Variants in MDN1 observed in about 807,000 individuals in gnomAD.
MDN1 encodes midasin.
In MDN1, 266 loss-of-function variants were observed where a neutral mutation model predicts 669.2. The ratio of observed to expected loss-of-function variants is 0.40; its 90% confidence interval spans 0.36 to 0.44. The LOEUF is 0.44. Among genes scored for constraint, MDN1 ranks in the 20% least tolerant of loss-of-function variants. The pLI, the probability that MDN1 is intolerant of heterozygous loss-of-function variation, is 1.00. For missense variants in MDN1, 5,940 were observed against 6,754.0 expected (o/e 0.88, Z 4.22); for synonymous variants, 2,385 against 2,457.1 (o/e 0.97, Z 0.87).
At chr6:89,660,393 C>T (rs558097797) in intron 88 of MDN1, among the ~76,000 whole-genome samples, 1 of 152,064 alleles carries the variant, frequency 6.6e-6, no homozygotes, top group South Asian at 2.1e-4. Context: ...CTATGTTGTT[C>T]AGGCTGGTCT....
At position 89,740,329 on chromosome 6, in the gene MDN1, C is replaced by G. The variant is rs746886253; in HGVS notation, c.4498G>C (p.Glu1500Gln). 1.3e-6 allele frequency: 2 copies of G among 1,596,396 alleles called. No individual in the cohort carries two copies. The change falls in exon 32 of 102, where the codon GAG becomes CAG. Residue 1500 changes from glutamate (E) to glutamine (Q), a missense_variant. Physicochemically the swap from Glu to Gln is conservative, Grantham distance 29. Around this residue, in one of 5 missense-constraint regions of MDN1, gnomAD observed 2,292 missense variants for 2,638.3 expected, o/e 0.87. Transcript: ENST00000369393. Reference sequence around the variant, plus strand: ...AGCTCTATTTCACTATCCTTGTCCTCTGGACTGCCTTTTTCAGCTAATACC... The same window carrying G: ...AGCTCTATTTCACTATCCTTGTCCTGTGGACTGCCTTTTTCAGCTAATACC... ...SLVLAEKGSP[E>Q]DKDSEIELLT...
chr6:89,700,868 A>C lies in MDN1; in HGVS notation c.8428-12T>G, dbSNP rs200976451. ...ACCACCAGCTTGTCCTGAAACAACA[A>C]CACCCACAAGAGCATACTATAGAGC... On this transcript the variant is annotated splice_polypyrimidine_tract_variant and intron_variant, in intron 55 of 101. Transcript: ENST00000369393. 6 of 1,612,864 alleles carry C rather than the reference A, an allele frequency of 3.7e-6. No homozygotes were observed. Among genetic ancestry groups the C allele is most frequent in the Non-Finnish European group, 5.1e-6 (6 of 1,179,352 alleles).
chr6:89,699,827 C>T, intron 57 of MDN1, 100 bp from the exon 58 acceptor site: 3 of 1,310,674 alleles, frequency 2.3e-6, no homozygotes, highest in Non-Finnish European at 3.2e-6. Flanking sequence ...ACTTACAGTA[C>T]ATTTATCTAA....
At chr6:89,694,852 C>G (rs1175741536) in intron 61 of MDN1, among the ~76,000 whole-genome samples, 1 of 152,248 alleles carries the variant, frequency 6.6e-6, no homozygotes, top group African/African-American at 2.4e-5. Flanking sequence ...CACACCCAGC[C>G]TCTACTTGAT....
rs537069630 is a variant in MDN1, at chr6:89,684,701, T to C, written c.11829+175A>G. On this transcript the variant is annotated intron_variant, in intron 71 of 101. Coordinates refer to ENST00000369393, the MANE Select transcript of MDN1 (RefSeq NM_014611.3). ...ACCAATCGCTCACACACTCTGCAGG[T>C]GACAAAAGAAGCCAATGCCACCGAT... Among the ~76,000 whole-genome samples, 8 of 152,288 alleles carry C rather than the reference T, an allele frequency of 5.3e-5. No homozygotes were observed. The East Asian group carries it at 1.2e-3, about 22-fold the overall frequency.
chr6:89,708,573 A>T lies in MDN1; in HGVS notation c.7821T>A (p.Ile2607=). The change falls in exon 51 of 102, where the codon ATT becomes ATA. Residue 2607 remains isoleucine (I), a synonymous_variant. Coordinates refer to ENST00000369393, the MANE Select transcript of MDN1 (RefSeq NM_014611.3). ...PRWNMQALDM[I]RNLMDFDPQT... ...GTGGGTCAAAGTCCATCAAATTTCT[A>T]ATCATGTCCAGAGCCTGCATATTCC... The T allele has an allele frequency of 6.2e-7, 1 of 1,614,010 alleles. No individual in the cohort carries two copies. Among genetic ancestry groups the T allele is most frequent in the Non-Finnish European group, 8.5e-7 (1 of 1,179,880 alleles).
chr6:89,696,487 T>A lies in MDN1; in HGVS notation c.9256A>T (p.Ser3086Cys). Reference protein sequence around the residue: ...SSWRASPWDVSGLPILSSSHV... With the variant: ...SSWRASPWDVCGLPILSSSHV... ...GAGGAGGAAAGAATGGGGAGGCCAC[T>A]CACATCCCAGGGACTTGCTCTCCAG... The change falls in exon 60 of 102, where the codon AGT becomes TGT. Residue 3086 changes from serine to cysteine, a missense_variant. Coordinates refer to ENST00000369393, the MANE Select transcript of MDN1 (RefSeq NM_014611.3). 1 of 1,614,166 alleles carries A rather than the reference T, an allele frequency of 6.2e-7. No individual in the cohort carries two copies. Among genetic ancestry groups the A allele is most frequent in the Non-Finnish European group, 8.5e-7 (1 of 1,180,008 alleles).
intron 45 of MDN1, among the ~76,000 whole-genome samples, chr6:89,715,109 C>T (rs1205319211): frequency 6.6e-6 from 1 of 152,128 alleles, no homozygotes. Flanking sequence ...ATATTGAATG[C>T]CCATCAACAT....
chr6:89,654,178 G>A lies in MDN1; in HGVS notation c.15647C>T (p.Thr5216Ile). The A allele has an allele frequency of 2.5e-6, 4 of 1,614,190 alleles. No homozygotes were observed. The highest frequency in any genetic ancestry group is 1.3e-5 in the African/African-American group (1 of 75,060). Reference protein sequence around the residue: ...QLKPEEIKSGTTAPLGFDEME... With the variant: ...QLKPEEIKSGITAPLGFDEME... ...GCAGGACTCACCCAAGGGTGCTGTG[G>A]TGCCCGACTTGATTTCCTCTGGCTT... The change falls in exon 93 of 102, where the codon ACC (threonine) becomes ATC (isoleucine). Residue 5216 changes from threonine to isoleucine, a missense_variant. Coordinates refer to ENST00000369393, the MANE Select transcript of MDN1 (RefSeq NM_014611.3).
intron 68 of MDN1, 100 bp downstream of exon 68, chr6:89,687,244 C>G: frequency 3.3e-6 from 4 of 1,224,602 alleles, no homozygotes. Flanking sequence ...AAAGCACATT[C>G]TGTAGCTGTA....
Position 89,680,742 on chromosome 6 carries a change from G to C in MDN1, c.12112C>G (p.Pro4038Ala). Residue 4038 changes from proline to alanine, a missense_variant, in exon 74 of 102, where the codon CCA becomes GCA. Coordinates refer to ENST00000369393, the MANE Select transcript of MDN1 (RefSeq NM_014611.3). ...AQPAAGQATI[P>A]EWCQGAAPSG... The stretch of plus-strand genomic sequence containing the variant: ...GGAGCAGCGCCCTGACACCACTCTG[G>C]AATTGTGGCCTGTGAGACAAAAGAC... 1 of 1,613,928 alleles carries C rather than the reference G, an allele frequency of 6.2e-7. No individual in the cohort carries two copies. Among genetic ancestry groups the C allele is most frequent in the Non-Finnish European group, 8.5e-7 (1 of 1,179,938 alleles).
intron 35 of MDN1, among the ~76,000 whole-genome samples, chr6:89,730,294 T>C (rs553090877): frequency 1.3e-5 from 2 of 152,158 alleles, no homozygotes; most frequent in Non-Finnish European, 2.9e-5. Flanking sequence ...AGGGACCGGA[T>C]CAGGAATGAC....
chr6:89,670,170 A>ATATATATATATATAT (rs1444537561), intron 83 of MDN1, among the ~76,000 whole-genome samples: 3 of 23,410 alleles, frequency 1.3e-4, no homozygotes, highest in African/African-American at 7.7e-4. Context: ...ATATATATAT[A>ATATATATATATATAT]TTTTTTTTTT....
At chr6:89,753,433 A>G (rs1314733318) in intron 22 of MDN1, 79 bp downstream of exon 22, 21 of 1,142,380 alleles carry the variant, frequency 1.8e-5, no homozygotes, top group East Asian at 1.7e-4. Flanking sequence ...GTTATGTGAA[A>G]AAAAAAAAAC....
chr6:89,715,781 G>C lies in MDN1; in HGVS notation c.6744-12C>G, dbSNP rs1814326441. ...CCAACACTGATGGGCTGCAGAGACA[G>C]AATTCAGATGGTGGATAGGCTGACA... On this transcript the variant is annotated splice_polypyrimidine_tract_variant and intron_variant, in intron 44 of 101. Coordinates refer to ENST00000369393, the MANE Select transcript of MDN1 (RefSeq NM_014611.3). 2.0e-6 allele frequency: 3 copies of C among 1,538,012 alleles called. No individual in the cohort carries two copies. The South Asian group carries it at 3.4e-5, about 17-fold the overall frequency.
chr6:89,733,912 T>C (rs1815764837), intron 33 of MDN1, among the ~76,000 whole-genome samples: 1 of 152,140 alleles, frequency 6.6e-6, no homozygotes, highest in African/African-American at 2.4e-5. Flanking sequence ...GGTAACAGAA[T>C]ATTAAAACCT....
In MDN1 at chr6:89,750,467, G is replaced by C. The variant is rs952333527; in HGVS notation, c.3293C>G (p.Ala1098Gly). ...VGKTSLIQWLAAATGNHCVRI... is the reference protein window; with the variant it reads ...VGKTSLIQWLGAATGNHCVRI... ...CACACAGTGGTTGCCAGTAGCTGCAGCCAGCCACTGGATCAGGCTTGTTTT... is the reference window on the plus strand; with the variant it reads ...CACACAGTGGTTGCCAGTAGCTGCACCCAGCCACTGGATCAGGCTTGTTTT... The change falls in exon 24 of 102, where the codon GCT becomes GGT. Residue 1098 changes from alanine (A) to glycine (G), a missense_variant. Ala to Gly is a moderately conservative substitution (Grantham distance 60, BLOSUM62 0). Coordinates refer to ENST00000369393, the MANE Select transcript of MDN1 (RefSeq NM_014611.3). The C allele has an allele frequency of 6.2e-7, 1 of 1,613,838 alleles. No individual in the cohort carries two copies. Among genetic ancestry groups the C allele is most frequent in the African/African-American group, 1.3e-5 (1 of 75,018 alleles).
In MDN1 at chr6:89,690,150, ATAG is replaced by A; in HGVS notation, c.10750-10_10750-8del. The A allele has an allele frequency of 2.5e-6, 4 of 1,613,310 alleles. No individual in the cohort carries two copies. The highest frequency in any genetic ancestry group is 3.4e-6 in the Non-Finnish European group (4 of 1,179,424). ...CCAAAATATCTGCAAAGTCCTATAA[ATAG>A]CATTAGAGCAATTGAACTTTTAAAA... is the stretch of plus-strand genomic sequence containing the variant. On this transcript the variant is annotated splice_polypyrimidine_tract_variant and splice_region_variant and intron_variant, in intron 64 of 101. Coordinates refer to ENST00000369393, the MANE Select transcript of MDN1 (RefSeq NM_014611.3).
Position 89,656,744 on chromosome 6 carries a change from T to C in MDN1, c.15241A>G (p.Ile5081Val). ...NQAEGHESNF[I>V]AQLASQKHTR... Reference sequence around the variant, plus strand: ...TGCTTCTGGGAGGCCAACTGGGCAATGAAATTCGATTCATGGCCTTCTGCC... The same window carrying C: ...TGCTTCTGGGAGGCCAACTGGGCAACGAAATTCGATTCATGGCCTTCTGCC... The change falls in exon 91 of 102, where the codon ATT (isoleucine) becomes GTT (valine). Residue 5081 changes from isoleucine to valine, a missense_variant. Around this residue, in one of 5 missense-constraint regions of MDN1, gnomAD observed 2,280 missense variants for 2,576.3 expected, o/e 0.88. Coordinates refer to ENST00000369393, the MANE Select transcript of MDN1 (RefSeq NM_014611.3). 29 of 1,613,362 alleles carry C rather than the reference T, an allele frequency of 1.8e-5. No individual in the cohort carries two copies. The highest frequency in any genetic ancestry group is 2.2e-5 in the East Asian group (1 of 44,836).
Sources: allele counts gnomAD v4.1 joint callset (sites outside exome capture counted in the v4.1 genomes callset), GRCh38; gene constraint gnomAD v4.1.1; regional missense constraint gnomAD v4.1.1; transcripts MANE v1.5; gene names NCBI Gene and HGNC (gene_info 2026-07-23, HGNC 2026-07-21).